APP: variants seen among roughly 807,000 people sequenced by gnomAD.
APP encodes amyloid-beta precursor protein.
APP carries 31 observed loss-of-function variants against 101.4 expected under a neutral mutation model. The observed-to-expected ratio is 0.31, with a 90% CI of 0.23 to 0.41. The LOEUF is 0.41. Among genes scored for constraint, APP ranks in the 10% least tolerant of loss-of-function variants. APP has a pLI of 1.00. For synonymous variants in APP, 366 were observed against 364.4 expected, an observed-to-expected ratio of 1.00 and a Z score of -0.05; for missense variants, 839 against 1,003.7, an observed-to-expected ratio of 0.84 and a Z score of 2.22.
chr21:26,027,920 G>A (rs531774105), intron 5 of APP, among the ~76,000 whole-genome samples: 2 of 152,238 alleles, frequency 1.3e-5, no homozygotes, highest in East Asian at 3.9e-4. Context: ...TCAGGCCTGA[G>A]GAGGTGGCTC....
chr21:25,899,614 C>T (rs976954526), intron 15 of APP, among the ~76,000 whole-genome samples: 3 of 152,122 alleles, frequency 2.0e-5, no homozygotes, highest in African/African-American at 7.2e-5. Flanking sequence ...TGGAAACAGA[C>T]CCACCAGGTC....
intron 5 of APP, among the ~76,000 whole-genome samples, chr21:26,045,516 T>C: frequency 6.6e-6 from 1 of 152,382 alleles, no homozygotes; most frequent in Non-Finnish European, 1.5e-5. Context: ...ATTTACTATG[T>C]TAACTCTTAT....
chr21:26,101,178 C>A (rs1444782561), intron 2 of APP, among the ~76,000 whole-genome samples: 1 of 142,558 alleles, frequency 7.0e-6, no homozygotes, highest in African/African-American at 2.6e-5. Context: ...CGGCCCACTG[C>A]AACCTCGGCC....
chr21:26,108,668 G>T (rs569816792), intron 2 of APP, among the ~76,000 whole-genome samples: 1 of 152,038 alleles, frequency 6.6e-6, no homozygotes, highest in Non-Finnish European at 1.5e-5. Context: ...AGGGTGGATC[G>T]CAAGGTCAGG....
chr21:25,996,389 G>A (rs913055794), intron 8 of APP, among the ~76,000 whole-genome samples: 2 of 119,482 alleles, frequency 1.7e-5, no homozygotes, highest in African/African-American at 6.6e-5. Context: ...CTGCGTGTAC[G>A]AATTAGTCCA....
chr21:25,921,556 C>T (rs375843229), intron 13 of APP, among the ~76,000 whole-genome samples: 2 of 146,836 alleles, frequency 1.4e-5, no homozygotes, highest in Non-Finnish European at 3.0e-5. Context: ...CACCACCGAT[C>T]CCACAGAAAT....
chr21:26,096,955 G>A (rs963406420), intron 2 of APP, among the ~76,000 whole-genome samples: 34 of 152,168 alleles, frequency 2.2e-4, no homozygotes, highest in Admixed American at 5.9e-4. Flanking sequence ...GGCAGAGACC[G>A]GATCTGACAG....
intron 17 of APP, among the ~76,000 whole-genome samples, chr21:25,891,017 T>G (rs2037661308): frequency 6.6e-6 from 1 of 152,216 alleles, no homozygotes; most frequent in South Asian, 2.1e-4. Flanking sequence ...CTGTGAGATT[T>G]TAACACTTTT....
chr21:26,116,376 G>A (rs1160603665), intron 1 of APP, among the ~76,000 whole-genome samples: 2 of 152,196 alleles, frequency 1.3e-5, no homozygotes, highest in Non-Finnish European at 2.9e-5. Context: ...AGAGGCTTAA[G>A]GGGATAACAT....
At chr21:25,935,655 C>T (rs1439452109) in intron 13 of APP, among the ~76,000 whole-genome samples, 1 of 152,012 alleles carries the variant, frequency 6.6e-6, no homozygotes, top group Non-Finnish European at 1.5e-5. Context: ...GCCCGATCAA[C>T]ATACTGAAAC....
rs144269212 is a variant in APP at position 26,159,555 on chromosome 21, C to T, written c.57+11009G>A. 6.6e-5 allele frequency among the ~76,000 whole-genome samples: 10 copies of T among 152,252 alleles called. No homozygotes were observed. In the South Asian group the frequency reaches 1.2e-3, roughly 19 times the overall value. On this transcript the variant is annotated intron_variant, in intron 1 of 17. Transcript: ENST00000346798. The stretch of plus-strand genomic sequence containing the variant: ...CCCTCATCTGCACACAGAAGAATCA[C>T]GGGCTTAGGCTTGGCTTTGTGTTCA...
intron 2 of APP, among the ~76,000 whole-genome samples, chr21:26,107,256 T>A (rs2062203300): frequency 6.6e-6 from 1 of 152,228 alleles, no homozygotes. Context: ...TGGAAATAAT[T>A]TGACGATATT....
chr21:25,954,768 T>G (rs1020910411), intron 12 of APP, 79 bp from the exon 13 acceptor site: 3 of 1,301,330 alleles, frequency 2.3e-6, no homozygotes, highest in Non-Finnish European at 3.3e-6. Context: ...TTTTCTTTTT[T>G]TTTTGAGACG....
intron 3 of APP, among the ~76,000 whole-genome samples, chr21:26,088,217 G>A (rs1342439243): frequency 3.3e-5 from 5 of 152,088 alleles, no homozygotes; most frequent in Non-Finnish European, 2.9e-5. Flanking sequence ...AAATAGACCT[G>A]GGGTTCAAAG....
intron 1 of APP, among the ~76,000 whole-genome samples, chr21:26,145,055 T>A (rs745695119): frequency 6.6e-6 from 1 of 152,208 alleles, no homozygotes; most frequent in East Asian, 1.9e-4. Flanking sequence ...ATTCTAGATA[T>A]CACATCAAAA....
chr21:26,121,664 C>T (rs970220113), intron 1 of APP, among the ~76,000 whole-genome samples: 9 of 152,234 alleles, frequency 5.9e-5, no homozygotes, highest in Non-Finnish European at 1.0e-4. Context: ...ATCTTTTATG[C>T]AATATCATAT....
At chr21:25,982,230 C>T in intron 9 of APP, 114 bp downstream of exon 9, 19 of 1,220,674 alleles carry the variant, frequency 1.6e-5, no homozygotes, top group Non-Finnish European at 2.3e-5. Context: ...AAAATTAGAA[C>T]TTTACATCTT....
At chr21:26,021,697 T>G (rs1201700074) in intron 6 of APP, 143 bp downstream of exon 6, 12 of 1,233,250 alleles carry the variant, frequency 9.7e-6, no homozygotes, top group Admixed American at 2.3e-5. Context: ...CCAAAAAAAT[T>G]TCACAAGCAT....
intron 2 of APP, among the ~76,000 whole-genome samples, chr21:26,103,475 CT>C (rs11334027): frequency 1 from 152,292 of 152,294 alleles, 76,145 homozygotes; most frequent in Non-Finnish European, 1. Context: ...TGGCGTGCAC[CT>C]TGTAATCCCA....
Sources: gnomAD v4.1 joint callset for allele counts (sites outside exome capture counted in the v4.1 genomes callset) on GRCh38, gnomAD v4.1.1 for gene constraint, MANE v1.5 for transcripts, NCBI Gene and HGNC (gene_info 2026-07-23, HGNC 2026-07-21) for gene names.